Variants in BICD1 observed in about 807,000 individuals in gnomAD.
BICD1 encodes the protein protein bicaudal D homolog 1.
A neutral mutation model predicts 92.5 loss-of-function variants in BICD1; 35 were observed. The observed-to-expected ratio is 0.38, with a 90% CI of 0.29 to 0.50. The LOEUF (loss-of-function observed/expected upper bound fraction) is 0.50. Ranked by LOEUF, BICD1 falls within the 20% of genes least tolerant of loss-of-function variation. The pLI is 0.93. For synonymous variants in BICD1, 429 were observed against 465.1 expected, an observed-to-expected ratio of 0.92 and a Z score of 1.00; for missense variants, 950 against 1,189.8, an observed-to-expected ratio of 0.80 and a Z score of 2.97.
intron 8 of BICD1, chr12:32,340,030 C>T: frequency 4.3e-6 from 4 of 939,754 alleles, no homozygotes; most frequent in Non-Finnish European, 5.1e-6. Flanking sequence ...GCCTGCTATC[C>T]TCATTTCTAT....
intron 1 of BICD1, among the ~76,000 whole-genome samples, chr12:32,135,655 A>G (rs973340360): frequency 1.3e-5 from 2 of 151,692 alleles, no homozygotes; most frequent in African/African-American, 4.8e-5. Flanking sequence ...CTGCCTTTAC[A>G]TCCCAAAGTG....
chr12:32,156,734 C>T (rs181743681), intron 1 of BICD1, among the ~76,000 whole-genome samples: 47 of 152,266 alleles, frequency 3.1e-4, no homozygotes, highest in African/African-American at 1.1e-3. Flanking sequence ...TTATTTACCC[C>T]ACGGAGGAGA....
At chr12:32,311,162 A>G (rs762114461) in intron 4 of BICD1, among the ~76,000 whole-genome samples, 1 of 152,134 alleles carries the variant, frequency 6.6e-6, no homozygotes, top group African/African-American at 2.4e-5. Context: ...GCTTGGTTTT[A>G]TATATTTTAG....
chr12:32,107,279 C>T lies in BICD1; in HGVS notation c.-53C>T. 6.8e-7 allele frequency: 1 copy of T among 1,461,160 alleles called. No homozygotes were observed. Among genetic ancestry groups the T allele is most frequent in the East Asian group, 2.4e-5 (1 of 41,406 alleles). 90.5% of individuals were successfully genotyped at this position (1,461,160 alleles called of 1,614,324 possible). A position where few individuals can be genotyped will look rare whatever the true frequency, so the allele number is the denominator to read the frequency against. On this transcript the variant is annotated 5_prime_UTR_variant, in exon 1 of 10. Transcript: ENST00000652176. ...TCCTTCTCCCTTTCCCCGCCAGCTT[C>T]GCATCCATCTCCCCCACCCCGTAAC...
At chr12:32,299,837 G>C (rs575401168) in intron 3 of BICD1, among the ~76,000 whole-genome samples, 1 of 152,220 alleles carries the variant, frequency 6.6e-6, no homozygotes, top group Admixed American at 6.5e-5. Context: ...GCCATCAATT[G>C]AATAAATACT....
At chr12:32,180,093 G>GC in intron 1 of BICD1, among the ~76,000 whole-genome samples, 1 of 151,728 alleles carries the variant, frequency 6.6e-6, no homozygotes, top group African/African-American at 2.4e-5. Context: ...CAGAGCCTGA[G>GC]CTCAGACTTG....
At chr12:32,207,306 A>G (rs1945088589) in intron 1 of BICD1, among the ~76,000 whole-genome samples, 1 of 152,202 alleles carries the variant, frequency 6.6e-6, no homozygotes, top group Admixed American at 6.5e-5. Flanking sequence ...ACAAACCATC[A>G]GGGTTAGAAA....
intron 1 of BICD1, among the ~76,000 whole-genome samples, chr12:32,155,225 G>A (rs1488241640): frequency 6.6e-6 from 1 of 152,088 alleles, no homozygotes; most frequent in East Asian, 1.9e-4. Flanking sequence ...TATTTCAACG[G>A]CACAAGCAAT....
rs1186741986 is a variant in BICD1, at chr12:32,337,440, A to C, written c.2253-59A>C. The stretch of plus-strand genomic sequence containing the variant: ...GTCAAATTTATTACTTTTCAGCTTA[A>C]CTCCCAAATTCAGTTTCACCAAGAT... On this transcript the variant is annotated intron_variant, in intron 6 of 9. Transcript: ENST00000652176. The surrounding 1 kb of genome is among the most constrained non-coding windows in gnomAD (Gnocchi z 4.7). 6.7e-7 allele frequency: 1 copy of C among 1,502,890 alleles called. No individual in the cohort carries two copies. The highest frequency in any genetic ancestry group is 9.1e-7 in the Non-Finnish European group (1 of 1,103,420). 93.1% of individuals were successfully genotyped at this position (1,502,890 alleles called of 1,614,324 possible).
chr12:32,361,108 T>C (rs925805263), intron 8 of BICD1, among the ~76,000 whole-genome samples: 1 of 152,198 alleles, frequency 6.6e-6, no homozygotes, highest in African/African-American at 2.4e-5. Context: ...ATGTCTCAGA[T>C]AAGACAAGAC....
In BICD1 at chr12:32,305,985, C is replaced by T. The variant is rs777372640; in HGVS notation, c.868C>T (p.His290Tyr). 3.7e-6 allele frequency: 6 copies of T among 1,614,184 alleles called. No homozygotes were observed. Among genetic ancestry groups the T allele is most frequent in the African/African-American group, 2.7e-5 (2 of 75,040 alleles). ...NNDDKMNGHI[H>Y]GPLVKLNGDY... ...TGATGACAAAATGAACGGTCATATCCATGGGCCTCTTGTGAAACTGAATGG... is the reference window on the plus strand; with the variant it reads ...TGATGACAAAATGAACGGTCATATCTATGGGCCTCTTGTGAAACTGAATGG... The change falls in exon 4 of 10, where the codon CAT (histidine) becomes TAT (tyrosine). Residue 290 changes from histidine to tyrosine, a missense_variant. Physicochemically the swap from His to Tyr is moderately conservative, Grantham distance 83. This residue lies in a region of BICD1 where 246 missense variants were observed against 258.4 expected (regional missense o/e 0.95). Coordinates refer to ENST00000652176, the MANE Select transcript of BICD1 (RefSeq NM_001714.4).
At chr12:32,322,281 T>C (rs148152540) in intron 4 of BICD1, among the ~76,000 whole-genome samples, 62 of 152,290 alleles carry the variant, frequency 4.1e-4, no homozygotes, top group African/African-American at 1.4e-3. Flanking sequence ...TCCTATTCAA[T>C]TGATTTCAGC....
At chr12:32,367,177 A>C (rs1460399567) in intron 8 of BICD1, among the ~76,000 whole-genome samples, 1 of 152,188 alleles carries the variant, frequency 6.6e-6, no homozygotes, top group African/African-American at 2.4e-5. Context: ...GATTCTACTA[A>C]TCATAGAAAA....
At chr12:32,248,205 T>C (rs1946439044) in intron 2 of BICD1, among the ~76,000 whole-genome samples, 1 of 152,108 alleles carries the variant, frequency 6.6e-6, no homozygotes, top group Non-Finnish European at 1.5e-5. Flanking sequence ...GTGAGTAAAA[T>C]GAAGCTAAGA....
intron 1 of BICD1, chr12:32,108,759 C>A: frequency 1.6e-6 from 1 of 628,042 alleles, no homozygotes; most frequent in Non-Finnish European, 2.9e-6. Flanking sequence ...GCCTGTCTAC[C>A]AAAAAATAAA....
intron 2 of BICD1, among the ~76,000 whole-genome samples, chr12:32,240,781 A>G (rs1304366496): frequency 6.6e-6 from 1 of 152,232 alleles, no homozygotes; most frequent in Admixed American, 6.5e-5. Flanking sequence ...AAGAAAGAAA[A>G]TAAGAAAGAA....
chr12:32,250,269 C>T (rs1946492579), intron 2 of BICD1, among the ~76,000 whole-genome samples: 1 of 152,130 alleles, frequency 6.6e-6, no homozygotes, highest in African/African-American at 2.4e-5. Context: ...GGACCTTGGG[C>T]AGGTAACTCC....
At chr12:32,253,889 T>TCATAATCACTGCCGTATCCCACCTGC (rs1946636714) in intron 2 of BICD1, among the ~76,000 whole-genome samples, 2 of 78,240 alleles carry the variant, frequency 2.6e-5, no homozygotes, top group African/African-American at 6.6e-5. Flanking sequence ...ATCCCACCTG[T>TCATAATCACTGCCGTATCCCACCTGC]CATAATCACT....
intron 1 of BICD1, among the ~76,000 whole-genome samples, chr12:32,126,567 G>A (rs1942348808): frequency 6.6e-6 from 1 of 151,990 alleles, no homozygotes; most frequent in Non-Finnish European, 1.5e-5. Flanking sequence ...GATCAGCCTG[G>A]CCAACATAGT....
Sources: gnomAD v4.1 joint callset for allele counts (sites outside exome capture counted in the v4.1 genomes callset) on GRCh38, gnomAD v4.1.1 for gene constraint, gnomAD v4.1.1 regional missense constraint, Gnocchi (gnomAD v3.1) non-coding constraint, MANE v1.5 for transcripts, NCBI Gene and HGNC (gene_info 2026-07-23, HGNC 2026-07-21) for gene names.